The following SLCO5A1 variants were observed in gnomAD, a reference collection of about 807,000 sequenced individuals.
SLCO5A1 encodes the protein solute carrier organic anion transporter family member 5A1, also known as organic anion transporter polypeptide-related protein 4.
In SLCO5A1, 39 loss-of-function variants were observed where a neutral mutation model predicts 65.1. The observed-to-expected ratio is 0.60, with a 90% confidence interval of 0.46 to 0.78. SLCO5A1 has a LOEUF of 0.78. Among genes scored for constraint, SLCO5A1 ranks in the 30% least tolerant of loss-of-function variants. The pLI, the probability that SLCO5A1 is intolerant of heterozygous loss-of-function variation, is 0.00. For missense variants in SLCO5A1, 1,029 were observed against 1,069.4 expected (o/e 0.96, Z 0.53); for synonymous variants, 438 against 415.7 (o/e 1.05, Z -0.65).
intron 2 of SLCO5A1, among the ~76,000 whole-genome samples, chr8:69,790,191 CA>C (rs374635955): frequency 0.037 from 1,985 of 53,682 alleles, 25 homozygotes; most frequent in African/African-American, 0.074. Context: ...GACTCCTTCT[CA>C]AAAAAAAAAA....
chr8:69,815,475 G>C (rs1331318274), intron 2 of SLCO5A1, among the ~76,000 whole-genome samples: 1 of 151,912 alleles, frequency 6.6e-6, no homozygotes, highest in Non-Finnish European at 1.5e-5. Context: ...AAAAACTCTA[G>C]GTCTTATAAC....
intron 6 of SLCO5A1, among the ~76,000 whole-genome samples, chr8:69,686,231 C>CAA (rs3060023): frequency 7.1e-6 from 1 of 141,700 alleles, no homozygotes; most frequent in Non-Finnish European, 1.5e-5. Context: ...CTTCACACAG[C>CAA]AAAAAAAAGA....
chr8:69,798,326 C>T (rs1457824909), intron 2 of SLCO5A1, among the ~76,000 whole-genome samples: 1 of 152,116 alleles, frequency 6.6e-6, no homozygotes, highest in Non-Finnish European at 1.5e-5. Flanking sequence ...AAAGAAATAC[C>T]TGAGACTGGG....
At chr8:69,834,575 C>T (rs1256208532) in intron 1 of SLCO5A1, among the ~76,000 whole-genome samples, 1 of 152,262 alleles carries the variant, frequency 6.6e-6, no homozygotes, top group South Asian at 2.1e-4. Flanking sequence ...TCCCAGCAAA[C>T]TCTCGCCGCT....
chr8:69,674,639 T>C (rs1813471678), intron 9 of SLCO5A1, among the ~76,000 whole-genome samples: 1 of 152,138 alleles, frequency 6.6e-6, no homozygotes. Context: ...TGCTGTAGCA[T>C]ACATCTGTTG....
chr8:69,764,940 T>C (rs925839374), intron 2 of SLCO5A1, among the ~76,000 whole-genome samples: 4 of 152,202 alleles, frequency 2.6e-5, no homozygotes, highest in African/African-American at 7.2e-5. Flanking sequence ...GTGCAGGATG[T>C]GTACAGGCCA....
At chr8:69,753,544 T>G (rs1310403110) in intron 4 of SLCO5A1, among the ~76,000 whole-genome samples, 3 of 152,208 alleles carry the variant, frequency 2.0e-5, no homozygotes, top group Non-Finnish European at 4.4e-5. Context: ...CAGCAACAGT[T>G]GTATCTGCTG....
At chr8:69,767,228 C>T (rs1818098827) in intron 2 of SLCO5A1, among the ~76,000 whole-genome samples, 1 of 152,134 alleles carries the variant, frequency 6.6e-6, no homozygotes, top group African/African-American at 2.4e-5. Flanking sequence ...GTGCCCACTC[C>T]CCTCTGAGAG....
intron 2 of SLCO5A1, among the ~76,000 whole-genome samples, chr8:69,782,507 G>A (rs1818838893): frequency 6.7e-6 from 1 of 150,372 alleles, no homozygotes; most frequent in Non-Finnish European, 1.5e-5. Context: ...TTGGGCCCAG[G>A]AGGTCAAGGC....
At position 69,818,146 on chromosome 8, in the gene SLCO5A1, G is replaced by A. The variant is rs138811482; in HGVS notation, c.907+13621C>T. ...CCCAACTGTGAAATTCTAAGAAGTA[G>A]CCACAGTTTATGAAATACCCAAAAC... On this transcript the variant is annotated intron_variant, in intron 2 of 9. Coordinates refer to ENST00000260126, the MANE Select transcript of SLCO5A1 (RefSeq NM_030958.3). Among the ~76,000 whole-genome samples, 328 of 152,334 alleles carry A rather than the reference G, an allele frequency of 2.2e-3. 1 individual carries two copies. The highest frequency in any genetic ancestry group is 7.5e-3 in the African/African-American group (310 of 41,580).
intron 2 of SLCO5A1, among the ~76,000 whole-genome samples, chr8:69,796,199 T>C (rs149955892): frequency 0.011 from 1,683 of 152,210 alleles, 29 homozygotes; most frequent in African/African-American, 0.037. Context: ...CTTTTAACTA[T>C]GAAAATTTAT....
intron 2 of SLCO5A1, among the ~76,000 whole-genome samples, chr8:69,823,409 C>CA (rs1377184341): frequency 1.1e-4 from 17 of 151,750 alleles, no homozygotes; most frequent in African/African-American, 3.6e-4. Flanking sequence ...CACATAGGCT[C>CA]AAAATAAAAG....
Position 69,800,328 on chromosome 8 carries a change from A to T in SLCO5A1, c.907+31439T>A, listed in dbSNP as rs151096244. ...GAATGCAGTAGCACAATCACAAATC[A>T]CTGCAGCTTTGACCTCCCAGGAGGA... On this transcript the variant is annotated intron_variant, in intron 2 of 9. Coordinates refer to ENST00000260126, the MANE Select transcript of SLCO5A1 (RefSeq NM_030958.3). Among the ~76,000 whole-genome samples the T allele has an allele frequency of 3.4e-3, 475 of 141,316 alleles. 2 individuals are homozygous for T. Among genetic ancestry groups the T allele is most frequent in the African/African-American group, 0.012 (438 of 37,524 alleles). 92.7% of individuals were successfully genotyped at this position (141,316 alleles called of 152,430 possible). A position where few individuals can be genotyped will look rare whatever the true frequency, so the allele number is the denominator to read the frequency against.
At chr8:69,710,748 G>T (rs1339290192) in intron 5 of SLCO5A1, among the ~76,000 whole-genome samples, 1 of 152,062 alleles carries the variant, frequency 6.6e-6, no homozygotes, top group Admixed American at 6.6e-5. Flanking sequence ...ATTAGCATTA[G>T]GCTCTCAAAA....
intron 2 of SLCO5A1, among the ~76,000 whole-genome samples, chr8:69,803,774 G>C (rs1445569018): frequency 6.6e-6 from 1 of 152,094 alleles, no homozygotes; most frequent in Non-Finnish European, 1.5e-5. Flanking sequence ...AAACTGCTTA[G>C]GCCAGGAGTT....
At chr8:69,801,703 C>T (rs1563732670) in intron 2 of SLCO5A1, among the ~76,000 whole-genome samples, 1 of 152,080 alleles carries the variant, frequency 6.6e-6, no homozygotes, top group Non-Finnish European at 1.5e-5. Context: ...TGTGCATCTC[C>T]CAGTGCTTTC....
intron 5 of SLCO5A1, among the ~76,000 whole-genome samples, chr8:69,717,034 C>T (rs1815578695): frequency 6.6e-6 from 1 of 152,178 alleles, no homozygotes; most frequent in Admixed American, 6.5e-5. Context: ...CCTGTCTTGG[C>T]CTCCCAATGT....
intron 2 of SLCO5A1, among the ~76,000 whole-genome samples, chr8:69,824,781 A>G (rs989102018): frequency 4.2e-3 from 633 of 152,270 alleles, no homozygotes; most frequent in African/African-American, 0.014. Flanking sequence ...ATTTTATGAG[A>G]CCAGCATCAT....
rs1158568083 is a variant in SLCO5A1 at position 69,672,972 on chromosome 8, T to C, written c.2444A>G (p.Gln815Arg). ...HEETGLQKGI[Q>R]CAAQTYPGPF... ...CCCCGGGTAGGTCTGTGCTGCGCACTGGATCCCTTTTTGCAGGCCAGTCTC... is the reference window on the plus strand; with the variant it reads ...CCCCGGGTAGGTCTGTGCTGCGCACCGGATCCCTTTTTGCAGGCCAGTCTC... The change falls in exon 10 of 10, where the codon CAG (glutamine) becomes CGG (arginine). Residue 815 changes from glutamine (Q) to arginine (R), a missense_variant. Coordinates refer to ENST00000260126, the MANE Select transcript of SLCO5A1 (RefSeq NM_030958.3). 2.5e-6 allele frequency: 4 copies of C among 1,614,232 alleles called. No individual in the cohort carries two copies. Among genetic ancestry groups the C allele is most frequent in the Non-Finnish European group, 3.4e-6 (4 of 1,180,036 alleles).
Sources: allele counts gnomAD v4.1 joint callset (sites outside exome capture counted in the v4.1 genomes callset), GRCh38; gene constraint gnomAD v4.1.1; transcripts MANE v1.5; gene names NCBI Gene and HGNC (gene_info 2026-07-23, HGNC 2026-07-21).